FLVCR1: variants seen among roughly 807,000 people sequenced by gnomAD.
FLVCR1 encodes the protein choline/ethanolamine transporter FLVCR1.
In FLVCR1, 34 loss-of-function variants were observed where a neutral mutation model predicts 53.6. That is an observed-to-expected ratio of 0.63 (90% confidence interval 0.48 to 0.84). The LOEUF is 0.84. FLVCR1 is among the 40% of genes least tolerant of loss of function. FLVCR1 has a pLI of 0.00. For synonymous variants in FLVCR1, 300 were observed against 286.3 expected (o/e 1.05, Z -0.48); for missense variants, 677 against 696.7 (o/e 0.97, Z 0.32).
chr1:212,859,004 C>T lies in FLVCR1; in HGVS notation c.552C>T (p.Asn184=). The change falls in exon 1 of 10, where the codon AAC becomes AAT. Residue 184 remains asparagine, a synonymous_variant. Coordinates refer to ENST00000366971, the MANE Select transcript of FLVCR1 (RefSeq NM_014053.4). ...CCGCCCTGCTGGGCTCCGGCCTCAA[C>T]TGCCTGGGTGCCTGGATCAAGTGCG... is the stretch of plus-strand genomic sequence containing the variant. The part of the protein sequence containing the change: ...RLTALLGSGL[N]CLGAWIKCGS... 4 of 1,613,018 alleles carry T rather than the reference C, an allele frequency of 2.5e-6. No homozygotes were observed. The highest frequency in any genetic ancestry group is 2.2e-5 in the South Asian group (2 of 91,054).
At chr1:212,875,678 A>G (rs1664733504) in intron 3 of FLVCR1, among the ~76,000 whole-genome samples, 1 of 151,862 alleles carries the variant, frequency 6.6e-6, no homozygotes, top group Non-Finnish European at 1.5e-5. Context: ...CATGTTTACT[A>G]AAAATACAAA....
At chr1:212,879,483 TATGCAGTGTCCCAAACTC>T (rs1664862124) in intron 3 of FLVCR1, among the ~76,000 whole-genome samples, 2 of 152,158 alleles carry the variant, frequency 1.3e-5, no homozygotes, top group African/African-American at 4.8e-5. Context: ...CGGGATCATA[TATGCAGTGTCCCAAACTC>T]AGGACCCAAA....
chr1:212,889,570 C>T (rs999348140), intron 8 of FLVCR1, among the ~76,000 whole-genome samples: 1 of 151,976 alleles, frequency 6.6e-6, no homozygotes, highest in African/African-American at 2.4e-5. Context: ...AGTTTGAGAC[C>T]AGCCTAGCCA....
intron 3 of FLVCR1, among the ~76,000 whole-genome samples, chr1:212,876,567 T>C (rs753984985): frequency 2.0e-5 from 3 of 152,138 alleles, no homozygotes; most frequent in Non-Finnish European, 1.5e-5. Context: ...GGTTTCACCA[T>C]GTTGGCTAGG....
At chr1:212,866,157 G>A (rs531225633) in intron 2 of FLVCR1, among the ~76,000 whole-genome samples, 4 of 152,056 alleles carry the variant, frequency 2.6e-5, no homozygotes, top group Non-Finnish European at 5.9e-5. Flanking sequence ...GCTAATTTTT[G>A]TATTTTTAGT....
chr1:212,858,572 C>G lies in FLVCR1; in HGVS notation c.120C>G (p.Asn40Lys). 1 of 1,488,518 alleles carries G rather than the reference C, an allele frequency of 6.7e-7. No homozygotes were observed. The highest frequency in any genetic ancestry group is 8.9e-7 in the Non-Finnish European group (1 of 1,119,418). 92.2% of individuals were successfully genotyped at this position (1,488,518 alleles called of 1,614,324 possible). A position where few individuals can be genotyped will look rare whatever the true frequency, so the allele number is the denominator to read the frequency against. ...GGAAGGAGAGCGTGGAGCTGCAGAACGGGCCCAAAGCGGGCACCTTCCCGG... is the reference window on the plus strand; with the variant it reads ...GGAAGGAGAGCGTGGAGCTGCAGAAGGGGCCCAAAGCGGGCACCTTCCCGG... Reference protein sequence around the residue: ...PVGKESVELQNGPKAGTFPVN... With the variant: ...PVGKESVELQKGPKAGTFPVN... Residue 40 changes from asparagine (N) to lysine (K), a missense_variant, in exon 1 of 10, where the codon AAC (asparagine) becomes AAG (lysine). By Grantham distance (94) the Asn-to-Lys change is moderately conservative. Transcript: ENST00000366971.
chr1:212,875,230 GATA>G (rs2102554475), intron 3 of FLVCR1, among the ~76,000 whole-genome samples: 1 of 152,278 alleles, frequency 6.6e-6, no homozygotes, highest in South Asian at 2.1e-4. Context: ...TAATTGGGGA[GATA>G]ATATAAACAT....
chr1:212,863,928 C>G, intron 2 of FLVCR1, 59 bp downstream of exon 2: 2 of 1,440,754 alleles, frequency 1.4e-6, no homozygotes, highest in Non-Finnish European at 1.9e-6. Flanking sequence ...TTGAGAATAA[C>G]TAACTCTGGA....
At position 212,888,518 on chromosome 1, in the gene FLVCR1, G is replaced by T. The variant is rs1182706333; in HGVS notation, c.1337G>T (p.Gly446Val). ...TTCATGACTGGTTACCTCCCTTTGG[G>T]TTTTGAATTTGCTGTTGAAATCACT... ...GFFMTGYLPL[G>V]FEFAVEITYP... is the part of the protein sequence containing the mutation. The change falls in exon 7 of 10, where the codon GGT becomes GTT. Residue 446 changes from glycine to valine, a missense_variant. Coordinates refer to ENST00000366971, the MANE Select transcript of FLVCR1 (RefSeq NM_014053.4). 6.2e-7 allele frequency: 1 copy of T among 1,613,724 alleles called. No individual in the cohort carries two copies. Among genetic ancestry groups the T allele is most frequent in the Non-Finnish European group, 8.5e-7 (1 of 1,179,770 alleles).
At position 212,872,785 on chromosome 1, in the gene FLVCR1, A is replaced by G. The variant is rs751334952; in HGVS notation, c.991A>G (p.Asn331Asp). The G allele has an allele frequency of 1.2e-6, 2 of 1,613,996 alleles. No individual in the cohort carries two copies. Among genetic ancestry groups the G allele is most frequent in the South Asian group, 2.2e-5 (2 of 91,076 alleles). The change falls in exon 3 of 10, where the codon AAC (asparagine) becomes GAC (aspartate). Residue 331 changes from asparagine to aspartate, a missense_variant. Physicochemically the swap from Asn to Asp is conservative, Grantham distance 23. Coordinates refer to ENST00000366971, the MANE Select transcript of FLVCR1 (RefSeq NM_014053.4). The part of the protein sequence containing the change: ...YKKSIRNLFK[N>D]IPFVLLLITY... ...GAAATCAATAAGAAACCTGTTTAAA[A>G]ACATTCCTTTTGTCCTTCTGTTGAT... is the stretch of plus-strand genomic sequence containing the variant.
Position 212,858,408 on chromosome 1 carries a change from G to T in FLVCR1, c.-45G>T. ...GGCTGTGGGCCGGGAGAGCGGAGTC[G>T]GGGAGTGGGGCGGGGGAGCGAGGTG... On this transcript the variant is annotated 5_prime_UTR_variant, in exon 1 of 10. Transcript: ENST00000366971. 7.1e-7 allele frequency: 1 copy of T among 1,418,132 alleles called. No homozygotes were observed. The highest frequency in any genetic ancestry group is 1.5e-5 in the South Asian group (1 of 67,030). The allele number at this position is 1,418,132 out of a possible 1,614,324, so 87.8% of individuals were successfully genotyped here. A position where few individuals can be genotyped will look rare whatever the true frequency, so the allele number is the denominator to read the frequency against.
In FLVCR1 at chr1:212,858,279, C is replaced by T. The variant is rs567238059; in HGVS notation, c.-174C>T. 77 of 645,904 alleles carry T rather than the reference C, an allele frequency of 1.2e-4. 1 individual carries two copies. The highest frequency in any genetic ancestry group is 1.0e-3 in the East Asian group (33 of 32,444). The allele number at this position is 645,904 out of a possible 1,614,324, so 40.0% of individuals were successfully genotyped here. A position where few individuals can be genotyped will look rare whatever the true frequency, so the allele number is the denominator to read the frequency against. On this transcript the variant is annotated 5_prime_UTR_variant, in exon 1 of 10. Transcript: ENST00000366971. ...TGCCGCGCGGCGCGGGGGAGGAGAC[C>T]TTCATCTGTTCACGCGGTAGCGCGG...
chr1:212,892,315 G>T lies in FLVCR1; in HGVS notation c.1526-2671G>T, dbSNP rs1572029822. Among the ~76,000 whole-genome samples, 4 of 152,316 alleles carry T rather than the reference G, an allele frequency of 2.6e-5. No homozygotes were observed. The East Asian group carries it at 5.8e-4, about 22-fold the overall frequency. ...GAGGAATCAATGTCTGGCTTCAAAGGACAAGCTCATTCTCTTGTGAGGGGT... is the reference window on the plus strand; with the variant it reads ...GAGGAATCAATGTCTGGCTTCAAAGTACAAGCTCATTCTCTTGTGAGGGGT... On this transcript the variant is annotated intron_variant, in intron 8 of 9. Coordinates refer to ENST00000366971, the MANE Select transcript of FLVCR1 (RefSeq NM_014053.4).
intron 4 of FLVCR1, 57 bp downstream of exon 4, chr1:212,883,495 A>G (rs1664975537): frequency 2.1e-6 from 2 of 932,134 alleles, no homozygotes; most frequent in Admixed American, 1.8e-5. Flanking sequence ...CTTTAGCAAT[A>G]TAATTGTCGT....
intron 1 of FLVCR1, among the ~76,000 whole-genome samples, chr1:212,859,598 G>A (rs1386592389): frequency 6.6e-6 from 1 of 152,012 alleles, no homozygotes; most frequent in Non-Finnish European, 1.5e-5. Context: ...GGTATCTGTA[G>A]TCCCAGCAAC....
At chr1:212,871,858 T>C (rs952824561) in intron 2 of FLVCR1, among the ~76,000 whole-genome samples, 6 of 152,054 alleles carry the variant, frequency 3.9e-5, no homozygotes, top group Non-Finnish European at 5.9e-5. Context: ...AAACTTAGAG[T>C]GTCAGACACC....
At position 212,888,008 on chromosome 1, in the gene FLVCR1, A is replaced by C; in HGVS notation, c.1307+7A>C. On this transcript the variant is annotated splice_region_variant and intron_variant, in intron 6 of 9. Transcript: ENST00000366971. ...TTACTGGAGGGGTGCTTGGGTAAGTATCAGATGTGTTTAGGAGGAATGATA... is the reference window on the plus strand; with the variant it reads ...TTACTGGAGGGGTGCTTGGGTAAGTCTCAGATGTGTTTAGGAGGAATGATA... 6.9e-7 allele frequency: 1 copy of C among 1,454,086 alleles called. No individual in the cohort carries two copies. The highest frequency in any genetic ancestry group is 9.7e-7 in the Non-Finnish European group (1 of 1,034,276). The allele number at this position is 1,454,086 out of a possible 1,614,324, so 90.1% of individuals were successfully genotyped here. A position where few individuals can be genotyped will look rare whatever the true frequency, so the allele number is the denominator to read the frequency against.
chr1:212,874,940 C>CACACACACAG (rs1195411527), intron 3 of FLVCR1, among the ~76,000 whole-genome samples: 4 of 151,926 alleles, frequency 2.6e-5, no homozygotes, highest in East Asian at 1.9e-4. Flanking sequence ...CACACACACA[C>CACACACACAG]AGACACATCT....
intron 3 of FLVCR1, among the ~76,000 whole-genome samples, chr1:212,880,725 C>T (rs967687214): frequency 6.0e-5 from 9 of 149,174 alleles, no homozygotes; most frequent in African/African-American, 2.2e-4. Context: ...TTGAGCCTGG[C>T]AGATGGAGGT....
Sources: gnomAD v4.1 joint callset for allele counts (sites outside exome capture counted in the v4.1 genomes callset) on GRCh38, gnomAD v4.1.1 for gene constraint, MANE v1.5 for transcripts, NCBI Gene and HGNC (gene_info 2026-07-23, HGNC 2026-07-21) for gene names.